MYPOP: variants seen among roughly 807,000 people sequenced by gnomAD.
The protein encoded by MYPOP is Myb related transcription factor, partner of profilin, also known as myb-related transcription factor, partner of profilin.
Under a neutral mutation model 25.7 loss-of-function variants are expected in MYPOP, and 21 were observed. That is an observed-to-expected ratio of 0.82 (90% confidence interval 0.58 to 1.18). The LOEUF (loss-of-function observed/expected upper bound fraction) is 1.18. MYPOP is among the 50% of genes most tolerant of loss of function. MYPOP has a pLI of 0.00. For synonymous variants in MYPOP, 280 were observed against 247.9 expected, an observed-to-expected ratio of 1.13 and a Z score of -1.22; for missense variants, 566 against 588.3, an observed-to-expected ratio of 0.96 and a Z score of 0.39.
At chr19:45,894,162 G>A (rs1037487169) in intron 2 of MYPOP, among the ~76,000 whole-genome samples, 2 of 151,274 alleles carry the variant, frequency 1.3e-5, no homozygotes, top group African/African-American at 4.9e-5. Context: ...GCCCAGGCTG[G>A]AGTGCAGTGG....
chr19:45,900,362 T>G (rs1337296649), intron 2 of MYPOP, among the ~76,000 whole-genome samples: 1 of 152,070 alleles, frequency 6.6e-6, no homozygotes, highest in African/African-American at 2.4e-5. Context: ...TGCTGTTCCC[T>G]CTACCAAAAA....
rs762542900 is a variant in MYPOP, at chr19:45,891,346, A to C, written c.500-23T>G. On this transcript the variant is annotated intron_variant, in intron 2 of 2. Coordinates refer to ENST00000322217, the MANE Select transcript of MYPOP (RefSeq NM_001012643.4). ...TATCTGTAGAGAGAGAAATACAGGT[A>C]AGGGGTGAGCGACCCTCGATGCTGC... is the stretch of plus-strand genomic sequence containing the variant. 5.5e-6 allele frequency: 8 copies of C among 1,456,006 alleles called. No individual in the cohort carries two copies. In the South Asian group the frequency reaches 1.1e-4, roughly 21 times the overall value. 90.2% of individuals were successfully genotyped at this position (1,456,006 alleles called of 1,614,324 possible). A position where few individuals can be genotyped will look rare whatever the true frequency, so the allele number is the denominator to read the frequency against.
At position 45,901,161 on chromosome 19, in the gene MYPOP, T is replaced by C; in HGVS notation, c.499+114A>G. On this transcript the variant is annotated intron_variant, in intron 2 of 2. Coordinates refer to ENST00000322217, the MANE Select transcript of MYPOP (RefSeq NM_001012643.4). The surrounding 1 kb of genome is among the most constrained non-coding windows in gnomAD (Gnocchi z 5.7). ...TTTTCTGAGCTTCAGTTTCCCTAGCTATAAAATGGGGCGAAGGACAGCATC... is the reference window on the plus strand; with the variant it reads ...TTTTCTGAGCTTCAGTTTCCCTAGCCATAAAATGGGGCGAAGGACAGCATC... The C allele has an allele frequency of 9.8e-7, 1 of 1,015,464 alleles. No homozygotes were observed. The allele number at this position is 1,015,464 out of a possible 1,614,324, so 62.9% of individuals were successfully genotyped here.
In MYPOP at chr19:45,890,707, C is replaced by CG; in HGVS notation, c.1115dup (p.Leu373AlafsTer77). ...GTGGGGGGGAGTCGTGCGGAGGGAG[C>CG]GGGGCTGGGGGGGGCCGGGGTGCCC... On this transcript the variant is annotated frameshift_variant, in exon 3 of 3. Transcript: ENST00000322217. LOFTEE classifies it high-confidence loss of function. 2.9e-6 allele frequency: 1 copy of CG among 340,034 alleles called. No homozygotes were observed. Among genetic ancestry groups the CG allele is most frequent in the Non-Finnish European group, 5.0e-6 (1 of 198,094 alleles). 21.1% of individuals were successfully genotyped at this position (340,034 alleles called of 1,614,324 possible).
At chr19:45,895,500 C>T (rs550844606) in intron 2 of MYPOP, among the ~76,000 whole-genome samples, 1 of 152,118 alleles carries the variant, frequency 6.6e-6, no homozygotes, top group African/African-American at 2.4e-5. Context: ...CTCCCCTAAC[C>T]CTACCTGATT....
At position 45,901,630 on chromosome 19, in the gene MYPOP, G is replaced by A; in HGVS notation, c.144C>T (p.Ser48=). Residue 48 remains serine (S), a synonymous_variant, in exon 2 of 3, where the codon AGC becomes AGT. Transcript: ENST00000322217. This position sits in a 1 kb window ranked among gnomAD's most constrained non-coding sequence, Gnocchi z 5.7. ...QLYGAQSRRV[S]VAERRRVWDG... ...CCCACACGCGCCGCCGCTCTGCCAC[G>A]CTCACCCGACGGCTCTGCGCGCCGT... 1 of 1,610,468 alleles carries A rather than the reference G, an allele frequency of 6.2e-7. No individual in the cohort carries two copies. The highest frequency in any genetic ancestry group is 8.5e-7 in the Non-Finnish European group (1 of 1,179,220).
At position 45,890,439 on chromosome 19, in the gene MYPOP, G is replaced by T; in HGVS notation, c.*184C>A. 1.1e-6 allele frequency: 1 copy of T among 909,744 alleles called. No individual in the cohort carries two copies. Among genetic ancestry groups the T allele is most frequent in the Non-Finnish European group, 1.6e-6 (1 of 633,074 alleles). 56.4% of individuals were successfully genotyped at this position (909,744 alleles called of 1,614,324 possible). A position where few individuals can be genotyped will look rare whatever the true frequency, so the allele number is the denominator to read the frequency against. The stretch of plus-strand genomic sequence containing the variant: ...CAGACAGCACTGTACCAGAGAAAGG[G>T]GTTGGGGGGGCCCATTACTGAGGCC... On this transcript the variant is annotated 3_prime_UTR_variant, in exon 3 of 3. Coordinates refer to ENST00000322217, the MANE Select transcript of MYPOP (RefSeq NM_001012643.4).
intron 2 of MYPOP, among the ~76,000 whole-genome samples, chr19:45,893,284 A>C (rs1967151634): frequency 6.7e-6 from 1 of 149,800 alleles, no homozygotes; most frequent in Non-Finnish European, 1.5e-5. Flanking sequence ...CAAAAATAAA[A>C]ATAGGCCGGG....
chr19:45,901,466 G>A lies in MYPOP; in HGVS notation c.308C>T (p.Pro103Leu). The A allele has an allele frequency of 3.1e-6, 5 of 1,600,474 alleles. No individual in the cohort carries two copies. Among genetic ancestry groups the A allele is most frequent in the Non-Finnish European group, 3.4e-6 (4 of 1,173,956 alleles). Residue 103 changes from proline to leucine, a missense_variant, in exon 2 of 3, where the codon CCC becomes CTC. Coordinates refer to ENST00000322217, the MANE Select transcript of MYPOP (RefSeq NM_001012643.4). The surrounding 1 kb of genome is among the most constrained non-coding windows in gnomAD (Gnocchi z 5.7). ...CGCGGAGAAAGCGTCCTCCGCGGCG[G>A]GCCCGGCGCCCTGCGTGGAGTGCGG... The part of the protein sequence containing the change: ...RVPHSTQGAG[P>L]AAEDAFSAEE...
rs546919353 is a variant in MYPOP, at chr19:45,901,292, C to G, written c.482G>C (p.Arg161Pro). 8 of 1,452,482 alleles carry G rather than the reference C, an allele frequency of 5.5e-6. No individual in the cohort carries two copies. Among genetic ancestry groups the G allele is most frequent in the Non-Finnish European group, 7.2e-6 (8 of 1,103,794 alleles). 90.0% of individuals were successfully genotyped at this position (1,452,482 alleles called of 1,614,324 possible). A position where few individuals can be genotyped will look rare whatever the true frequency, so the allele number is the denominator to read the frequency against. The part of the protein sequence containing the change: ...PQRYVLSEDR[R>P]EDRRADTSAH... ...ACACTCACCTGCACGTCGGTCCTCC[C>G]GGCGGTCTTCCGACAACACGTAGCG... The change falls in exon 2 of 3, where the codon CGG becomes CCG. Residue 161 changes from arginine (R) to proline (P), a missense_variant. Physicochemically the swap from Arg to Pro is moderately radical, Grantham distance 103 (BLOSUM62 -2). Coordinates refer to ENST00000322217, the MANE Select transcript of MYPOP (RefSeq NM_001012643.4). The surrounding 1 kb of genome is among the most constrained non-coding windows in gnomAD (Gnocchi z 5.7).
In MYPOP at chr19:45,890,475, A is replaced by C; in HGVS notation, c.*148T>G. On this transcript the variant is annotated 3_prime_UTR_variant, in exon 3 of 3. Transcript: ENST00000322217. ...CCCATTACTGAGGCCCCCCCCAGAG[A>C]ATCAGGCACTAACTAGCACAGGGAG... 3.0e-6 allele frequency: 4 copies of C among 1,321,114 alleles called. No homozygotes were observed. Among genetic ancestry groups the C allele is most frequent in the Non-Finnish European group, 4.0e-6 (4 of 998,784 alleles). 81.8% of individuals were successfully genotyped at this position (1,321,114 alleles called of 1,614,324 possible).
At chr19:45,900,950 C>A (rs1268665015) in intron 2 of MYPOP, among the ~76,000 whole-genome samples, 2 of 152,158 alleles carry the variant, frequency 1.3e-5, no homozygotes, top group Non-Finnish European at 2.9e-5. Context: ...TGACACAGTT[C>A]AGTGGCAAAG....
chr19:45,901,431 TCTC>T lies in MYPOP; in HGVS notation c.340_342del (p.Glu114del). On this transcript the variant is annotated inframe_deletion, in exon 2 of 3. Coordinates refer to ENST00000322217, the MANE Select transcript of MYPOP (RefSeq NM_001012643.4). This position sits in a 1 kb window ranked among gnomAD's most constrained non-coding sequence, Gnocchi z 5.7. ...CCTGGCCCCAGGATGGCAAAAATGG[TCTC>T]CTCTTCCGCGGAGAAAGCGTCCTCC... 2.5e-6 allele frequency: 4 copies of T among 1,578,648 alleles called. No individual in the cohort carries two copies. Among genetic ancestry groups the T allele is most frequent in the Non-Finnish European group, 1.7e-6 (2 of 1,162,612 alleles).
In MYPOP at chr19:45,901,143, A is replaced by T. The variant is rs1967282527; in HGVS notation, c.499+132T>A. ...TGAGGCAAGTCATTTCATTTTTCTG[A>T]GCTTCAGTTTCCCTAGCTATAAAAT... On this transcript the variant is annotated intron_variant, in intron 2 of 2. Transcript: ENST00000322217. The surrounding 1 kb of genome is among the most constrained non-coding windows in gnomAD (Gnocchi z 5.7). 1.1e-6 allele frequency: 1 copy of T among 876,954 alleles called. No homozygotes were observed. 54.3% of individuals were successfully genotyped at this position (876,954 alleles called of 1,614,324 possible).
intron 2 of MYPOP, among the ~76,000 whole-genome samples, chr19:45,895,811 CAT>C (rs1967195551): frequency 6.6e-6 from 1 of 152,154 alleles, no homozygotes; most frequent in East Asian, 1.9e-4. Flanking sequence ...TGTCTTCCCA[CAT>C]GTCGTTCCCT....
chr19:45,899,596 T>C (rs1447526293), intron 2 of MYPOP, among the ~76,000 whole-genome samples: 1 of 152,016 alleles, frequency 6.6e-6, no homozygotes, highest in African/African-American at 2.4e-5. Context: ...TCCCAGCACT[T>C]TGGGAGGCCG....
At chr19:45,892,414 G>T (rs1967138869) in intron 2 of MYPOP, among the ~76,000 whole-genome samples, 1 of 152,128 alleles carries the variant, frequency 6.6e-6, no homozygotes, top group Non-Finnish European at 1.5e-5. Flanking sequence ...TCCTCAGTCT[G>T]TACTCACCTG....
Position 45,901,890 on chromosome 19 carries a change from A to C in MYPOP, c.-52-65T>G. ...GTCCCCCCGCCGCCGCCTCTCCCAG[A>C]CCGCCGGGCCGAGAGCTCCTTAGTC... On this transcript the variant is annotated intron_variant, in intron 1 of 2. Coordinates refer to ENST00000322217, the MANE Select transcript of MYPOP (RefSeq NM_001012643.4). The surrounding 1 kb of genome is among the most constrained non-coding windows in gnomAD (Gnocchi z 5.7). 1.2e-6 allele frequency: 1 copy of C among 835,760 alleles called. No homozygotes were observed. Among genetic ancestry groups the C allele is most frequent in the Non-Finnish European group, 1.6e-6 (1 of 633,150 alleles). The allele number at this position is 835,760 out of a possible 1,614,324, so 51.8% of individuals were successfully genotyped here.
At chr19:45,892,993 G>C (rs1455488325) in intron 2 of MYPOP, among the ~76,000 whole-genome samples, 1 of 152,240 alleles carries the variant, frequency 6.6e-6, no homozygotes, top group Non-Finnish European at 1.5e-5. Flanking sequence ...GGCAAATTTG[G>C]CCGCATGTGG....
Sources: allele counts gnomAD v4.1 joint callset (sites outside exome capture counted in the v4.1 genomes callset), GRCh38; gene constraint gnomAD v4.1.1; non-coding constraint Gnocchi (gnomAD v3.1); transcripts MANE v1.5; gene names NCBI Gene and HGNC (gene_info 2026-07-23, HGNC 2026-07-21).